The following BACH2 variants were observed in gnomAD, a reference collection of about 807,000 sequenced individuals.
BACH2 encodes BACH transcriptional regulator 2.
BACH2 carries 5 observed loss-of-function variants against 61.8 expected under a neutral mutation model. That is an observed-to-expected ratio of 0.08 (90% confidence interval 0.04 to 0.17). The LOEUF (loss-of-function observed/expected upper bound fraction) is 0.17. Among genes scored for constraint, BACH2 ranks in the 10% least tolerant of loss-of-function variants. The pLI is 1.00. For missense variants in BACH2, 824 were observed against 1,091.1 expected (o/e 0.76, Z 3.45); for synonymous variants, 446 against 440.1 (o/e 1.01, Z -0.17).
In BACH2 at chr6:89,938,344, G is replaced by A; in HGVS notation, c.1843C>T (p.Leu615Phe). 1 of 1,612,162 alleles carries A rather than the reference G, an allele frequency of 6.2e-7. No homozygotes were observed. Among genetic ancestry groups the A allele is most frequent in the Non-Finnish European group, 8.5e-7 (1 of 1,178,472 alleles). ...GTGATTTGATCTACAGGAAAAGGAA[G>A]TTTTACCTGAAACCAAGAATAACAG... ...PVQDRGQEVKLPFPVDQITDL... is the reference protein window; with the variant it reads ...PVQDRGQEVKFPFPVDQITDL... The change falls in exon 8 of 9, where the codon CTT (leucine) becomes TTT (phenylalanine). Residue 615 changes from leucine (L) to phenylalanine (F), a missense_variant. By Grantham distance (22) the Leu-to-Phe change is conservative. This residue lies in a region of BACH2 where 160 missense variants were observed against 283.5 expected (regional missense o/e 0.56). Transcript: ENST00000257749.
chr6:90,111,243 C>G (rs1206455184), intron 4 of BACH2, among the ~76,000 whole-genome samples: 1 of 152,200 alleles, frequency 6.6e-6, no homozygotes, highest in East Asian at 1.9e-4. Context: ...AGCTTGCCAT[C>G]TTCTGTCCAG....
chr6:89,993,802 GT>G (rs529078394), intron 6 of BACH2, among the ~76,000 whole-genome samples: 168 of 141,286 alleles, frequency 1.2e-3, no homozygotes, highest in South Asian at 0.01. Context: ...GTGACTTTAT[GT>G]TTTTTTTTTT....
chr6:90,286,816 G>T (rs1472037936), intron 1 of BACH2, among the ~76,000 whole-genome samples: 1 of 151,628 alleles, frequency 6.6e-6, no homozygotes, highest in East Asian at 1.9e-4. Context: ...GTACTGTTTT[G>T]TTCTCCAAAA....
intron 4 of BACH2, among the ~76,000 whole-genome samples, chr6:90,155,277 G>A (rs1784958584): frequency 2.0e-5 from 3 of 152,150 alleles, no homozygotes; most frequent in Admixed American, 1.3e-4. Flanking sequence ...ACTTCTAAAG[G>A]GAAACATTCT....
chr6:89,982,253 T>C (rs934933020), intron 6 of BACH2, among the ~76,000 whole-genome samples: 1 of 152,162 alleles, frequency 6.6e-6, no homozygotes, highest in African/African-American at 2.4e-5. Flanking sequence ...TGGTAAAATA[T>C]AGAGCAGGGA....
chr6:90,056,802 A>C lies in BACH2; in HGVS notation c.-13+32159T>G, dbSNP rs369333881. 5.9e-3 allele frequency among the ~76,000 whole-genome samples: 899 copies of C among 152,258 alleles called. 50 individuals carry two copies. The East Asian group carries it at 0.14, about 23-fold the overall frequency. ...AGACCACAGTGCAATCAAACTAGAA[A>C]TCAGGATTAAGAAACTCACTCAAAA... On this transcript the variant is annotated intron_variant, in intron 5 of 8. Coordinates refer to ENST00000257749, the MANE Select transcript of BACH2 (RefSeq NM_021813.4).
At position 89,932,550 on chromosome 6, in the gene BACH2, C is replaced by T. The variant is rs764721711; in HGVS notation, c.2384G>A (p.Arg795Lys). 2 of 1,614,088 alleles carry T rather than the reference C, an allele frequency of 1.2e-6. No individual in the cohort carries two copies. Among genetic ancestry groups the T allele is most frequent in the Non-Finnish European group, 1.7e-6 (2 of 1,180,016 alleles). ...NTSENCTSGR[R>K]LEGTDPGTFS... ...GGTTCCCGGGTCAGTGCCTTCTAGT[C>T]TCCTCCCAGAGGTACAATTCTCGGA... is the stretch of plus-strand genomic sequence containing the variant. Residue 795 changes from arginine to lysine, a missense_variant, in exon 9 of 9, where the codon AGA becomes AAA. Around this residue, in one of 8 missense-constraint regions of BACH2, gnomAD observed 135 missense variants for 142.7 expected, o/e 0.95. Coordinates refer to ENST00000257749, the MANE Select transcript of BACH2 (RefSeq NM_021813.4).
intron 4 of BACH2, among the ~76,000 whole-genome samples, chr6:90,103,739 G>A (rs1782779538): frequency 6.6e-6 from 1 of 152,166 alleles, no homozygotes; most frequent in Non-Finnish European, 1.5e-5. Context: ...GGGAACATCT[G>A]TTAGAAACAG....
At chr6:90,143,205 C>T (rs1784517575) in intron 4 of BACH2, among the ~76,000 whole-genome samples, 1 of 152,166 alleles carries the variant, frequency 6.6e-6, no homozygotes, top group Admixed American at 6.5e-5. Context: ...CCCTTTCCTT[C>T]TACTCCCCAT....
intron 6 of BACH2, among the ~76,000 whole-genome samples, chr6:89,989,750 T>C (rs1776441151): frequency 6.6e-6 from 1 of 152,196 alleles, no homozygotes; most frequent in Non-Finnish European, 1.5e-5. Flanking sequence ...TCTCAGCATC[T>C]TCCTGGGGGA....
intron 3 of BACH2, among the ~76,000 whole-genome samples, chr6:90,213,579 G>A (rs771392547): frequency 1.3e-5 from 2 of 152,122 alleles, no homozygotes; most frequent in South Asian, 2.1e-4. Flanking sequence ...TCCACCTCTC[G>A]GAATGTGATT....
At chr6:90,132,880 A>T (rs1181592694) in intron 4 of BACH2, among the ~76,000 whole-genome samples, 1 of 152,084 alleles carries the variant, frequency 6.6e-6, no homozygotes, top group East Asian at 1.9e-4. Flanking sequence ...GTATTTGCAT[A>T]TCATCTTTTC....
chr6:90,173,118 TA>T lies in BACH2; in HGVS notation c.-162+33450del, dbSNP rs988196219. On this transcript the variant is annotated intron_variant, in intron 4 of 8. Transcript: ENST00000257749. ...AGAAGAAAAACCATGGAACTATATTTAAAAAAAAAAACAAAAGCAAAATCCA... is the reference window on the plus strand; with the variant it reads ...AGAAGAAAAACCATGGAACTATATTTAAAAAAAAAACAAAAGCAAAATCCA... Among the ~76,000 whole-genome samples, 225 of 136,746 alleles carry T rather than the reference TA, an allele frequency of 1.6e-3. 2 individuals are homozygous for T. Among genetic ancestry groups the T allele is most frequent in the South Asian group, 6.6e-3 (29 of 4,362 alleles). The allele number at this position is 136,746 out of a possible 152,430, so 89.7% of individuals were successfully genotyped here.
At chr6:90,128,003 C>G (rs1446083114) in intron 4 of BACH2, among the ~76,000 whole-genome samples, 1 of 152,246 alleles carries the variant, frequency 6.6e-6, no homozygotes, top group Admixed American at 6.5e-5. Flanking sequence ...GACCAGGATT[C>G]ACAGCCTTCC....
intron 4 of BACH2, among the ~76,000 whole-genome samples, chr6:90,121,386 T>C (rs918357391): frequency 2.6e-5 from 4 of 152,178 alleles, no homozygotes; most frequent in South Asian, 2.1e-4. Flanking sequence ...TCTAGGTAGA[T>C]AGGGTTCCTT....
chr6:90,166,892 A>C, intron 4 of BACH2, among the ~76,000 whole-genome samples: 2 of 123,964 alleles, frequency 1.6e-5, no homozygotes, highest in East Asian at 2.9e-4. Context: ...AACATCACAC[A>C]CCAGGGCCTG....
intron 2 of BACH2, among the ~76,000 whole-genome samples, chr6:90,255,285 C>T (rs1235517809): frequency 6.6e-6 from 1 of 152,188 alleles, no homozygotes; most frequent in Non-Finnish European, 1.5e-5. Context: ...TTTCACTCAA[C>T]AATTGTTTAC....
At chr6:90,062,760 G>GT (rs34103730) in intron 5 of BACH2, 68,782 of 180,272 alleles carry the variant, frequency 0.38, 14,065 homozygotes, top group East Asian at 0.68. Context: ...CTCTCCAACT[G>GT]TTTTTTTTTT....
chr6:90,051,904 A>C (rs1213945951), intron 5 of BACH2, among the ~76,000 whole-genome samples: 2 of 152,196 alleles, frequency 1.3e-5, no homozygotes, highest in African/African-American at 4.8e-5. Flanking sequence ...ATTATCATTC[A>C]ATTCTAAGTA....
Sources: gnomAD v4.1 joint callset for allele counts (sites outside exome capture counted in the v4.1 genomes callset) on GRCh38, gnomAD v4.1.1 for gene constraint, gnomAD v4.1.1 regional missense constraint, MANE v1.5 for transcripts, NCBI Gene and HGNC (gene_info 2026-07-23, HGNC 2026-07-21) for gene names.